CTNNA2: variants seen among roughly 807,000 people sequenced by gnomAD.
CTNNA2 encodes catenin alpha 2, also known as catenin alpha-2.
CTNNA2 carries 42 observed loss-of-function variants against 101.0 expected under a neutral mutation model. The observed-to-expected ratio is 0.42, with a 90% confidence interval of 0.32 to 0.54. The LOEUF (loss-of-function observed/expected upper bound fraction) is 0.54, where lower values mean the gene tolerates loss of function less well. CTNNA2 is among the 20% of genes least tolerant of loss of function. CTNNA2 has a pLI of 0.14. For synonymous variants in CTNNA2, 450 were observed against 456.4 expected (o/e 0.99, Z 0.18); for missense variants, 871 against 1,223.1 (o/e 0.71, Z 4.29).
rs552098583 is a variant in CTNNA2, at chr2:80,470,514, T to C, written c.1290+50913T>C. ...AGTAAGCCTGCGGAAAACAGCAGTG[T>C]CCCCTACACCCAGCTCTCCTCCTGG... On this transcript the variant is annotated intron_variant, in intron 9 of 18. Transcript: ENST00000402739. Among the ~76,000 whole-genome samples the C allele has an allele frequency of 1.3e-3, 205 of 152,196 alleles. 1 individual carries two copies. The highest frequency in any genetic ancestry group is 4.6e-3 in the African/African-American group (190 of 41,540).
At chr2:80,059,910 G>A (rs530737986) in intron 7 of CTNNA2, among the ~76,000 whole-genome samples, 28 of 152,308 alleles carry the variant, frequency 1.8e-4, no homozygotes, top group African/African-American at 6.7e-4. Flanking sequence ...CACCATGATT[G>A]ATTCCTACCA....
At chr2:79,209,970 G>T (rs555180000) in intron 2 of CTNNA2, among the ~76,000 whole-genome samples, 5 of 152,008 alleles carry the variant, frequency 3.3e-5, no homozygotes, top group East Asian at 3.9e-4. Flanking sequence ...GTGTGTGTTG[G>T]GGGGGCGGGG....
At chr2:80,639,350 C>T (rs952413266) in intron 18 of CTNNA2, among the ~76,000 whole-genome samples, 1 of 152,124 alleles carries the variant, frequency 6.6e-6, no homozygotes, top group East Asian at 1.9e-4. Context: ...GTTGGGATTA[C>T]AGGCACCTGC....
At chr2:79,799,165 T>G (rs1294255184) in intron 3 of CTNNA2, among the ~76,000 whole-genome samples, 1 of 147,410 alleles carries the variant, frequency 6.8e-6, no homozygotes, top group African/African-American at 2.6e-5. Context: ...TATAATTCGA[T>G]GCAGTCTCAG....
At chr2:79,309,713 G>T (rs1301197200) in intron 2 of CTNNA2, among the ~76,000 whole-genome samples, 5 of 152,070 alleles carry the variant, frequency 3.3e-5, no homozygotes, top group Non-Finnish European at 1.5e-5. Flanking sequence ...TTTCTCTAAA[G>T]GTCTGATAAC....
At chr2:79,917,182 C>T (rs1007869942) in intron 7 of CTNNA2, among the ~76,000 whole-genome samples, 4 of 151,998 alleles carry the variant, frequency 2.6e-5, no homozygotes, top group African/African-American at 9.7e-5. Flanking sequence ...AGTGATTTTC[C>T]TGCCTCAGCC....
intron 7 of CTNNA2, among the ~76,000 whole-genome samples, chr2:80,250,588 A>G (rs1671690474): frequency 6.6e-6 from 1 of 152,104 alleles, no homozygotes; most frequent in African/African-American, 2.4e-5. Flanking sequence ...GGAATGTTTT[A>G]GAGAACACAC....
At chr2:80,066,584 A>G (rs1439368465) in intron 7 of CTNNA2, among the ~76,000 whole-genome samples, 1 of 152,188 alleles carries the variant, frequency 6.6e-6, no homozygotes, top group East Asian at 1.9e-4. Context: ...AAAAAATGAA[A>G]AATAAGTGTT....
chr2:79,777,327 ATGTGTGTGTGTGTGTGTGTGTGTGTG>A (rs67347678), intron 3 of CTNNA2, among the ~76,000 whole-genome samples: 9 of 139,688 alleles, frequency 6.4e-5, no homozygotes, highest in Middle Eastern at 3.7e-3. Context: ...AACACTTGTT[ATGTGTGTGTGTGTGTGTGTGTGTGTG>A]TGTGTGTGTG....
intron 2 of CTNNA2, among the ~76,000 whole-genome samples, chr2:79,202,898 AG>A (rs1674056128): frequency 6.6e-6 from 1 of 152,212 alleles, no homozygotes; most frequent in Non-Finnish European, 1.5e-5. Flanking sequence ...CTTTTAACAA[AG>A]CTTTGAGGTG....
At chr2:80,010,934 A>G (rs75174544) in intron 7 of CTNNA2, among the ~76,000 whole-genome samples, 6,200 of 152,228 alleles carry the variant, frequency 0.041, 411 homozygotes, top group African/African-American at 0.14. Flanking sequence ...GTCTCCATAT[A>G]TAGATTTTCA....
At chr2:80,110,655 C>T (rs756544858) in intron 7 of CTNNA2, among the ~76,000 whole-genome samples, 2 of 152,156 alleles carry the variant, frequency 1.3e-5, no homozygotes, top group African/African-American at 2.4e-5. Context: ...ACCATGTGGA[C>T]CCATAGCTAC....
At chr2:79,753,336 T>C (rs1672171838) in intron 3 of CTNNA2, among the ~76,000 whole-genome samples, 1 of 152,226 alleles carries the variant, frequency 6.6e-6, no homozygotes, top group Non-Finnish European at 1.5e-5. Flanking sequence ...TTGAAATAGA[T>C]TTGAAAGCTG....
At chr2:79,693,504 A>G (rs1353135203) in intron 2 of CTNNA2, among the ~76,000 whole-genome samples, 1 of 151,978 alleles carries the variant, frequency 6.6e-6, no homozygotes. Flanking sequence ...CAGTGAATAC[A>G]GTATGTTTTT....
intron 2 of CTNNA2, among the ~76,000 whole-genome samples, chr2:79,215,774 C>T (rs1290781075): frequency 6.6e-6 from 1 of 151,960 alleles, no homozygotes; most frequent in Non-Finnish European, 1.5e-5. Context: ...TGGGGGAGGG[C>T]TAGTCACAGA....
intron 7 of CTNNA2, among the ~76,000 whole-genome samples, chr2:79,976,358 T>G (rs751055160): frequency 1.3e-5 from 2 of 151,986 alleles, no homozygotes; most frequent in African/African-American, 4.8e-5. Flanking sequence ...TACCCTGGAG[T>G]TGAATTTCAA....
At chr2:80,476,898 TATC>T (rs1685773151) in intron 9 of CTNNA2, among the ~76,000 whole-genome samples, 1 of 152,208 alleles carries the variant, frequency 6.6e-6, no homozygotes, top group South Asian at 2.1e-4. Flanking sequence ...GTGGCCATGT[TATC>T]AGGATTCATA....
intron 12 of CTNNA2, among the ~76,000 whole-genome samples, chr2:80,570,112 G>A (rs755872784): frequency 5.9e-5 from 9 of 151,886 alleles, no homozygotes; most frequent in Non-Finnish European, 1.2e-4. Context: ...TCAGTGGTGC[G>A]ATCTTGGTTC....
chr2:79,833,087 A>G (rs144331457), intron 3 of CTNNA2, among the ~76,000 whole-genome samples: 187 of 152,336 alleles, frequency 1.2e-3, no homozygotes, highest in African/African-American at 4.2e-3. Context: ...AATGTAAGGC[A>G]TGTGATTACC....
Sources: gnomAD v4.1 joint callset for allele counts (sites outside exome capture counted in the v4.1 genomes callset) on GRCh38, gnomAD v4.1.1 for gene constraint, MANE v1.5 for transcripts, NCBI Gene and HGNC (gene_info 2026-07-23, HGNC 2026-07-21) for gene names.